Variants in MACROD2 observed in about 807,000 individuals in gnomAD.
MACROD2 encodes mono-ADP ribosylhydrolase 2.
In MACROD2, 36 loss-of-function variants were observed where a neutral mutation model predicts 70.4. The ratio of observed to expected loss-of-function variants is 0.51; its 90% CI spans 0.39 to 0.68. The LOEUF is 0.68. MACROD2 is among the 30% of genes least tolerant of loss of function. The probability of loss-of-function intolerance (pLI) is 0.00; values close to 1 mark genes in which losing one functional copy is unlikely to be tolerated. For missense variants in MACROD2, 496 were observed against 538.4 expected, an observed-to-expected ratio of 0.92 and a Z score of 0.78; for synonymous variants, 172 against 178.8, an observed-to-expected ratio of 0.96 and a Z score of 0.30.
chr20:14,370,613 G>A lies in MACROD2; in HGVS notation c.272-122866G>A, dbSNP rs1402271084. 2.0e-5 allele frequency among the ~76,000 whole-genome samples: 3 copies of A among 152,140 alleles called. No homozygotes were observed. The East Asian group carries it at 5.8e-4, about 29-fold the overall frequency. The stretch of plus-strand genomic sequence containing the variant: ...TCAGAACTTAGTTTTAATTAAATTT[G>A]CTGGGCTGGGGATGGTGGCAGGACA... On this transcript the variant is annotated intron_variant, in intron 3 of 17. Transcript: ENST00000684519.
chr20:15,916,176 C>T (rs556015103), intron 10 of MACROD2, among the ~76,000 whole-genome samples: 1 of 152,302 alleles, frequency 6.6e-6, no homozygotes, highest in African/African-American at 2.4e-5. Flanking sequence ...CCACCACCCA[C>T]CTTCCCACAC....
At chr20:14,487,906 T>G (rs2084753974) in intron 3 of MACROD2, among the ~76,000 whole-genome samples, 1 of 152,218 alleles carries the variant, frequency 6.6e-6, no homozygotes, top group African/African-American at 2.4e-5. Context: ...AAAATCTCAC[T>G]TGCTAGTTCA....
At chr20:14,832,411 G>A (rs1200454153) in intron 5 of MACROD2, among the ~76,000 whole-genome samples, 1 of 151,948 alleles carries the variant, frequency 6.6e-6, no homozygotes, top group Non-Finnish European at 1.5e-5. Context: ...TACAGAGGAG[G>A]GGAGAAGAGC....
At chr20:14,970,502 C>T (rs1280060994) in intron 5 of MACROD2, among the ~76,000 whole-genome samples, 1 of 152,034 alleles carries the variant, frequency 6.6e-6, no homozygotes, top group Non-Finnish European at 1.5e-5. Flanking sequence ...CCATTTTTTC[C>T]TCCAGTGTTG....
intron 5 of MACROD2, among the ~76,000 whole-genome samples, chr20:14,966,336 G>A (rs1181990875): frequency 6.6e-6 from 1 of 152,160 alleles, no homozygotes; most frequent in African/African-American, 2.4e-5. Flanking sequence ...AGCACTTTGG[G>A]AGGCTGAGGC....
intron 6 of MACROD2, among the ~76,000 whole-genome samples, chr20:15,331,826 A>G (rs1446486006): frequency 2.6e-5 from 4 of 151,636 alleles, no homozygotes; most frequent in African/African-American, 7.3e-5. Context: ...ATGCACACAC[A>G]CATAAAACTT....
intron 8 of MACROD2, among the ~76,000 whole-genome samples, chr20:15,675,663 G>A (rs929750325): frequency 2.0e-5 from 3 of 152,248 alleles, no homozygotes; most frequent in African/African-American, 7.2e-5. Flanking sequence ...TCTAAATGCA[G>A]TATATGACTA....
chr20:15,439,352 A>G (rs192598513), intron 7 of MACROD2, among the ~76,000 whole-genome samples: 1 of 152,298 alleles, frequency 6.6e-6, no homozygotes, highest in East Asian at 1.9e-4. Flanking sequence ...AGGATGGCAG[A>G]GCTACCTTTC....
intron 3 of MACROD2, among the ~76,000 whole-genome samples, chr20:14,210,914 C>T (rs6042586): frequency 6.6e-6 from 1 of 152,060 alleles, no homozygotes; most frequent in Non-Finnish European, 1.5e-5. Flanking sequence ...CTGAGAACAC[C>T]AAGTACAGTG....
At chr20:15,569,878 C>T (rs758466904) in intron 8 of MACROD2, among the ~76,000 whole-genome samples, 55 of 152,010 alleles carry the variant, frequency 3.6e-4, no homozygotes, top group Admixed American at 1.0e-3. Flanking sequence ...TTTATTTATT[C>T]GTTCAACTGT....
chr20:15,402,303 C>A lies in MACROD2; in HGVS notation c.541-29102C>A, dbSNP rs1027837190. Among the ~76,000 whole-genome samples, 91 of 152,252 alleles carry A rather than the reference C, an allele frequency of 6.0e-4. 1 individual carries two copies. Among genetic ancestry groups the A allele is most frequent in the African/African-American group, 2.0e-3 (82 of 41,538 alleles). On this transcript the variant is annotated intron_variant, in intron 6 of 17. Coordinates refer to ENST00000684519, the MANE Select transcript of MACROD2 (RefSeq NM_001351661.2). ...AGAGGAAGTTAAAAGATAAACTTGG[C>A]TGTGTATATCCTATTTCATAACTGC...
At chr20:15,229,226 G>A (rs175280) in intron 5 of MACROD2, among the ~76,000 whole-genome samples, 43,091 of 151,932 alleles carry the variant, frequency 0.28, 6,231 homozygotes, top group Middle Eastern at 0.32. Context: ...AAAATATCAA[G>A]TTTTGTATTT....
chr20:14,339,903 T>C (rs1321917726), intron 3 of MACROD2, among the ~76,000 whole-genome samples: 4 of 152,226 alleles, frequency 2.6e-5, no homozygotes, highest in African/African-American at 9.6e-5. Context: ...TCCAAAAATA[T>C]ATACTCTTTT....
chr20:14,770,344 T>C (rs774600929), intron 5 of MACROD2, among the ~76,000 whole-genome samples: 19 of 152,130 alleles, frequency 1.2e-4, no homozygotes, highest in Non-Finnish European at 2.6e-4. Flanking sequence ...AGGGAGGTGG[T>C]AGAAATTGAC....
At position 15,843,448 on chromosome 20, in the gene MACROD2, T is replaced by A. The variant is rs185900366; in HGVS notation, c.646-19297T>A. On this transcript the variant is annotated intron_variant, in intron 8 of 17. Transcript: ENST00000684519. ...CTATGTGATATTTTCCCTCCAGTGC[T>A]TTTGCTTTTGAAACAGCATAATAAA... 2.4e-3 allele frequency among the ~76,000 whole-genome samples: 371 copies of A among 152,330 alleles called. 2 individuals carry two copies. Among genetic ancestry groups the A allele is most frequent in the Non-Finnish European group, 1.5e-3 (100 of 68,020 alleles).
chr20:14,228,948 TGCAGTGA>T (rs902012756), intron 3 of MACROD2, among the ~76,000 whole-genome samples: 16 of 147,464 alleles, frequency 1.1e-4, no homozygotes, highest in Non-Finnish European at 1.9e-4. Context: ...CAGCAGAGGT[TGCAGTGA>T]GCCAGGATCA....
intron 11 of MACROD2, among the ~76,000 whole-genome samples, chr20:15,937,024 TC>T (rs1274758025): frequency 6.6e-6 from 1 of 152,148 alleles, no homozygotes; most frequent in African/African-American, 2.4e-5. Context: ...TCAGAGCTGC[TC>T]CCTGCAGTTT....
chr20:14,781,639 AT>A (rs1273787585), intron 5 of MACROD2, among the ~76,000 whole-genome samples: 1 of 151,598 alleles, frequency 6.6e-6, no homozygotes, highest in Non-Finnish European at 1.5e-5. Context: ...ATTTATTTAT[AT>A]TTCACATTGT....
intron 5 of MACROD2, among the ~76,000 whole-genome samples, chr20:15,066,917 A>G (rs546991742): frequency 5.7e-4 from 87 of 152,164 alleles, no homozygotes; most frequent in Non-Finnish European, 1.1e-3. Flanking sequence ...GCAGCGAACT[A>G]CAGGCTCTTA....
Sources: allele counts gnomAD v4.1 joint callset (sites outside exome capture counted in the v4.1 genomes callset), GRCh38; gene constraint gnomAD v4.1.1; transcripts MANE v1.5; gene names NCBI Gene and HGNC (gene_info 2026-07-23, HGNC 2026-07-21).